FAM184B: variants seen among roughly 807,000 people sequenced by gnomAD.
The protein encoded by FAM184B is protein FAM184B.
In FAM184B, 111 loss-of-function variants were observed where a neutral mutation model predicts 135.9. The observed-to-expected ratio is 0.82, with a 90% CI of 0.70 to 0.96. The LOEUF (loss-of-function observed/expected upper bound fraction) is 0.96. FAM184B is among the 40% of genes least tolerant of loss of function. FAM184B has a pLI of 0.00. For synonymous variants in FAM184B, 552 were observed against 524.8 expected, an observed-to-expected ratio of 1.05 and a Z score of -0.71; for missense variants, 1,375 against 1,323.9, an observed-to-expected ratio of 1.04 and a Z score of -0.60.
At chr4:17,721,383 C>CAAAAAAAAAAAAAA (rs61539641) in intron 1 of FAM184B, among the ~76,000 whole-genome samples, 10,855 of 47,172 alleles carry the variant, frequency 0.23, 3,293 homozygotes, top group Non-Finnish European at 0.33. Flanking sequence ...GATTCTGTCT[C>CAAAAAAAAAAAAAA]AAAAAAAAAA....
Position 17,734,640 on chromosome 4 carries a change from C to T in FAM184B, c.142-24996G>A, listed in dbSNP as rs1247203070. Among the ~76,000 whole-genome samples, 4 of 151,418 alleles carry T rather than the reference C, an allele frequency of 2.6e-5. No individual in the cohort carries two copies. The Middle Eastern group carries it at 0.01, about 386-fold the overall frequency. On this transcript the variant is annotated intron_variant, in intron 1 of 17. Transcript: ENST00000265018. Reference sequence around the variant, plus strand: ...TCAAAACCACAATGAGATACCATCTCACACCAGTTAGAATGGCGATCATTA... The same window carrying T: ...TCAAAACCACAATGAGATACCATCTTACACCAGTTAGAATGGCGATCATTA...
intron 3 of FAM184B, 93 bp downstream of exon 3, chr4:17,707,556 T>C: frequency 6.7e-7 from 1 of 1,491,292 alleles, no homozygotes; most frequent in Non-Finnish European, 9.0e-7. Flanking sequence ...CCCTCCTCTC[T>C]GCTCCCTTAG....
intron 13 of FAM184B, among the ~76,000 whole-genome samples, chr4:17,639,812 A>C (rs961307444): frequency 1.5e-4 from 22 of 148,960 alleles, no homozygotes; most frequent in African/African-American, 5.2e-4. Flanking sequence ...ACTACACTGC[A>C]GTGGAAAGCC....
chr4:17,726,652 A>G (rs1225370136), intron 1 of FAM184B, among the ~76,000 whole-genome samples: 1 of 152,222 alleles, frequency 6.6e-6, no homozygotes, highest in East Asian at 1.9e-4. Flanking sequence ...GATTACAGGC[A>G]TGAGCCACTG....
At chr4:17,706,879 G>A (rs1250147320) in intron 3 of FAM184B, among the ~76,000 whole-genome samples, 1 of 151,920 alleles carries the variant, frequency 6.6e-6, no homozygotes, top group Admixed American at 6.6e-5. Flanking sequence ...TCTGCCTCCA[G>A]GGCTCAAGTG....
At chr4:17,640,739 CTG>C (rs1251855032) in intron 13 of FAM184B, among the ~76,000 whole-genome samples, 3 of 152,082 alleles carry the variant, frequency 2.0e-5, no homozygotes, top group Non-Finnish European at 4.4e-5. Flanking sequence ...ATGAAATATC[CTG>C]TGTCTTTAAA....
At chr4:17,641,921 AGT>A in intron 13 of FAM184B, 133 bp downstream of exon 13, 1 of 1,277,712 alleles carries the variant, frequency 7.8e-7, no homozygotes, top group Non-Finnish European at 1.0e-6. Flanking sequence ...TTCAGTGTCT[AGT>A]GTCTTGTGGG....
Position 17,632,451 on chromosome 4 carries a change from G to T in FAM184B, c.*81C>A. ...TCATAAGCATATTATTTGGTTGGTT[G>T]GTGTTAGTTCATTCCTTCAATCGGA... On this transcript the variant is annotated 3_prime_UTR_variant, in exon 18 of 18. Transcript: ENST00000265018. The T allele has an allele frequency of 1.7e-6, 2 of 1,169,988 alleles. No individual in the cohort carries two copies. The highest frequency in any genetic ancestry group is 2.4e-6 in the Non-Finnish European group (2 of 823,710). The allele number at this position is 1,169,988 out of a possible 1,614,324, so 72.5% of individuals were successfully genotyped here.
rs567135115 is a variant in FAM184B, at chr4:17,716,416, C to T, written c.142-6772G>A. On this transcript the variant is annotated intron_variant, in intron 1 of 17. Transcript: ENST00000265018. ...GGAGTGCAGTGGTGTTATTATGGCTCACTGCAACCTTGACCTCCTGGGCTC... is the reference window on the plus strand; with the variant it reads ...GGAGTGCAGTGGTGTTATTATGGCTTACTGCAACCTTGACCTCCTGGGCTC... Among the ~76,000 whole-genome samples, 5 of 152,122 alleles carry T rather than the reference C, an allele frequency of 3.3e-5. No individual in the cohort carries two copies. In the South Asian group the frequency reaches 1.0e-3, roughly 32 times the overall value.
intron 1 of FAM184B, among the ~76,000 whole-genome samples, chr4:17,765,306 A>C (rs1718637306): frequency 6.6e-6 from 1 of 152,090 alleles, no homozygotes; most frequent in South Asian, 2.1e-4. Context: ...TTTCATGGGC[A>C]TTACCTGTAA....
rs1021280429 is a variant in FAM184B, at chr4:17,772,800, C to T, written c.141+8359G>A. On this transcript the variant is annotated intron_variant, in intron 1 of 17. Transcript: ENST00000265018. ...AATTCCTGATGCTTATCCATCCGGT[C>T]ACAATGCTAGGCCAGGGCAGTTCTG... Among the ~76,000 whole-genome samples, 24 of 152,332 alleles carry T rather than the reference C, an allele frequency of 1.6e-4. 1 individual carries two copies. The highest frequency in any genetic ancestry group is 5.0e-4 in the African/African-American group (21 of 41,586).
At chr4:17,718,587 T>G (rs73800362) in intron 1 of FAM184B, among the ~76,000 whole-genome samples, 1,972 of 152,342 alleles carry the variant, frequency 0.013, 47 homozygotes, top group East Asian at 0.083. Flanking sequence ...ATGTTGAACT[T>G]GGCTGTGTGA....
intron 1 of FAM184B, among the ~76,000 whole-genome samples, chr4:17,714,754 T>A (rs1717369467): frequency 6.6e-6 from 1 of 152,054 alleles, no homozygotes; most frequent in Admixed American, 6.5e-5. Flanking sequence ...GCTTCCAAGG[T>A]GCCCACCCAA....
In FAM184B at chr4:17,709,106, C is replaced by T. The variant is rs1448157329; in HGVS notation, c.680G>A (p.Arg227Lys). 1.3e-6 allele frequency: 2 copies of T among 1,549,494 alleles called. No individual in the cohort carries two copies. Among genetic ancestry groups the T allele is most frequent in the East Asian group, 2.4e-5 (1 of 40,868 alleles). ...GGCCTGCCGGATGGCCTCGTTTTCC[C>T]TCTCGTAGGTGGCCTGCAGCTCCTC... ...KAEELQATYE[R>K]ENEAIRQAMQ... The change falls in exon 2 of 18, where the codon AGG becomes AAG. Residue 227 changes from arginine (R) to lysine (K), a missense_variant. By Grantham distance (26) the Arg-to-Lys change is conservative. Coordinates refer to ENST00000265018, the MANE Select transcript of FAM184B (RefSeq NM_015688.2).
intron 1 of FAM184B, among the ~76,000 whole-genome samples, chr4:17,716,083 G>A (rs1287975910): frequency 6.6e-6 from 1 of 152,250 alleles, no homozygotes; most frequent in Middle Eastern, 3.4e-3. Flanking sequence ...AGAGGAAGGA[G>A]GACAACATAC....
chr4:17,691,685 CAA>C (rs56857959), intron 6 of FAM184B, among the ~76,000 whole-genome samples: 1,550 of 92,454 alleles, frequency 0.017, 14 homozygotes, highest in Admixed American at 0.04. Context: ...GATTCCATCT[CAA>C]AAAAAAAAAA....
intron 1 of FAM184B, among the ~76,000 whole-genome samples, chr4:17,732,514 G>A (rs889452402): frequency 5.3e-5 from 8 of 152,220 alleles, no homozygotes; most frequent in African/African-American, 9.6e-5. Flanking sequence ...TATCACCTCC[G>A]ATCCCACAGA....
At chr4:17,641,286 C>T (rs1467170616) in intron 13 of FAM184B, among the ~76,000 whole-genome samples, 1 of 151,936 alleles carries the variant, frequency 6.6e-6, no homozygotes, top group African/African-American at 2.4e-5. Flanking sequence ...GAGAGGTCAG[C>T]TAACTCACCC....
In FAM184B at chr4:17,705,225, C is replaced by T; in HGVS notation, c.1171-19G>A. Reference sequence around the variant, plus strand: ...TCTTGGTCTATAAAAAGAAAAAGGACCTTGTAAAACCACTGGGGAGGGGTG... The same window carrying T: ...TCTTGGTCTATAAAAAGAAAAAGGATCTTGTAAAACCACTGGGGAGGGGTG... On this transcript the variant is annotated intron_variant, in intron 4 of 17. Coordinates refer to ENST00000265018, the MANE Select transcript of FAM184B (RefSeq NM_015688.2). 3 of 1,538,092 alleles carry T rather than the reference C, an allele frequency of 2.0e-6. No individual in the cohort carries two copies. Among genetic ancestry groups the T allele is most frequent in the South Asian group, 1.2e-5 (1 of 83,110 alleles).
Sources: gnomAD v4.1 joint callset for allele counts (sites outside exome capture counted in the v4.1 genomes callset) on GRCh38, gnomAD v4.1.1 for gene constraint, MANE v1.5 for transcripts, NCBI Gene and HGNC (gene_info 2026-07-23, HGNC 2026-07-21) for gene names.